Variants in TMEM132C observed in about 807,000 individuals in gnomAD.
The protein encoded by TMEM132C is transmembrane protein 132C, also known as protein phosphatase 1, regulatory subunit 152.
Under a neutral mutation model 61.4 loss-of-function variants are expected in TMEM132C, and 29 were observed. The ratio of observed to expected loss-of-function variants is 0.47; its 90% CI spans 0.35 to 0.64. The LOEUF (loss-of-function observed/expected upper bound fraction) is 0.64. Ranked by LOEUF, TMEM132C falls within the 30% of genes least tolerant of loss-of-function variation. The pLI, the probability that TMEM132C is intolerant of heterozygous loss-of-function variation, is 0.00. For missense variants in TMEM132C, 1,408 were observed against 1,476.9 expected (o/e 0.95, Z 0.76); for synonymous variants, 656 against 633.1 (o/e 1.04, Z -0.54).
At chr12:128,591,418 G>A (rs1012616163) in intron 3 of TMEM132C, among the ~76,000 whole-genome samples, 1 of 152,074 alleles carries the variant, frequency 6.6e-6, no homozygotes, top group African/African-American at 2.4e-5. Context: ...CTGAGGGGTC[G>A]TCCATGCCTC....
chr12:128,546,937 T>C (rs114363181), intron 3 of TMEM132C, among the ~76,000 whole-genome samples: 1,630 of 152,334 alleles, frequency 0.011, 33 homozygotes, highest in African/African-American at 0.037. Context: ...CTCTGTCATG[T>C]CCATTCAGTC....
chr12:128,358,236 A>G (rs1346037825), intron 1 of TMEM132C, among the ~76,000 whole-genome samples: 1 of 152,166 alleles, frequency 6.6e-6, no homozygotes, highest in Non-Finnish European at 1.5e-5. Context: ...GTAGGTTTAC[A>G]AAGTCTCCTT....
chr12:128,631,526 A>G (rs541183877), intron 4 of TMEM132C, among the ~76,000 whole-genome samples: 6 of 152,328 alleles, frequency 3.9e-5, no homozygotes, highest in South Asian at 2.1e-4. Flanking sequence ...GAAATCTGGT[A>G]TGTTAAACTC....
At chr12:128,639,543 C>T (rs1954140152) in intron 4 of TMEM132C, among the ~76,000 whole-genome samples, 1 of 152,146 alleles carries the variant, frequency 6.6e-6, no homozygotes. Flanking sequence ...AAGAGAATGG[C>T]ATTTTTGACC....
At chr12:128,512,855 C>T (rs1872608917) in intron 2 of TMEM132C, among the ~76,000 whole-genome samples, 1 of 152,168 alleles carries the variant, frequency 6.6e-6, no homozygotes, top group Non-Finnish European at 1.5e-5. Context: ...AACTTGAAGC[C>T]ACACACACAA....
chr12:128,535,696 G>A (rs964704168), intron 2 of TMEM132C, among the ~76,000 whole-genome samples: 4 of 152,178 alleles, frequency 2.6e-5, no homozygotes, highest in Non-Finnish European at 4.4e-5. Context: ...GTGAAACCCC[G>A]TCTCTACTAA....
chr12:128,484,069 G>C (rs535846272), intron 2 of TMEM132C, among the ~76,000 whole-genome samples: 1 of 152,250 alleles, frequency 6.6e-6, no homozygotes, highest in Admixed American at 6.5e-5. Context: ...AAGAGCATTT[G>C]CACCATGGAA....
At chr12:128,287,112 C>T (rs1001539009) in intron 1 of TMEM132C, among the ~76,000 whole-genome samples, 1 of 152,074 alleles carries the variant, frequency 6.6e-6, no homozygotes, top group Admixed American at 6.5e-5. Flanking sequence ...ACATGTTGGG[C>T]AAGATTATTG....
At chr12:128,666,025 G>A (rs796604122) in intron 4 of TMEM132C, among the ~76,000 whole-genome samples, 71 of 87,498 alleles carry the variant, frequency 8.1e-4, no homozygotes, top group African/African-American at 2.4e-3. Flanking sequence ...ATTCACAGGC[G>A]CACATTCACA....
intron 1 of TMEM132C, 76 bp downstream of exon 1, chr12:128,267,563 G>A: frequency 8.8e-7 from 1 of 1,137,848 alleles, no homozygotes; most frequent in Non-Finnish European, 1.1e-6. Context: ...GGTGAGGGCA[G>A]CCGAAGCGAG....
chr12:128,364,685 C>G (rs1873809079), intron 1 of TMEM132C, among the ~76,000 whole-genome samples: 1 of 152,192 alleles, frequency 6.6e-6, no homozygotes, highest in Admixed American at 6.5e-5. Context: ...CACCTTCTGC[C>G]TGCACCGAGG....
chr12:128,524,061 A>C (rs4882773), intron 2 of TMEM132C, among the ~76,000 whole-genome samples: 142,491 of 150,598 alleles, frequency 0.95, 67,876 homozygotes, highest in East Asian at 1. Context: ...TGCATTTCTG[A>C]ACCAATTTCC....
At chr12:128,393,919 C>T (rs1451929501) in intron 1 of TMEM132C, among the ~76,000 whole-genome samples, 3 of 152,218 alleles carry the variant, frequency 2.0e-5, no homozygotes, top group Admixed American at 6.5e-5. Context: ...TGGATATTGG[C>T]ACACAGCCAT....
At chr12:128,410,637 C>T (rs919169918) in intron 1 of TMEM132C, among the ~76,000 whole-genome samples, 2 of 152,122 alleles carry the variant, frequency 1.3e-5, no homozygotes, top group Non-Finnish European at 2.9e-5. Context: ...ATCTCTTGAC[C>T]TCGTGATCCA....
In TMEM132C at chr12:128,399,675, T is replaced by C. The variant is rs541743173; in HGVS notation, c.86-15057T>C. Among the ~76,000 whole-genome samples the C allele has an allele frequency of 3.9e-5, 6 of 152,284 alleles. No individual in the cohort carries two copies. In the South Asian group the frequency reaches 1.2e-3, roughly 32 times the overall value. Reference sequence around the variant, plus strand: ...AGAAAGTTCTCCTATGCATGAAACATGACTCGGAAAGACTTCCTCTCTATC... The same window carrying C: ...AGAAAGTTCTCCTATGCATGAAACACGACTCGGAAAGACTTCCTCTCTATC... On this transcript the variant is annotated intron_variant, in intron 1 of 8. Transcript: ENST00000435159.
At chr12:128,512,729 G>T (rs377008379) in intron 2 of TMEM132C, among the ~76,000 whole-genome samples, 1 of 152,148 alleles carries the variant, frequency 6.6e-6, no homozygotes, top group Non-Finnish European at 1.5e-5. Flanking sequence ...TGAATTTGCC[G>T]CTGTGAAGTG....
intron 2 of TMEM132C, among the ~76,000 whole-genome samples, chr12:128,474,726 T>C (rs1435708624): frequency 6.6e-6 from 1 of 152,178 alleles, no homozygotes; most frequent in Non-Finnish European, 1.5e-5. Context: ...CAGTCCCTTA[T>C]TTTTGTTATG....
chr12:128,427,386 G>GT (rs1174147614), intron 2 of TMEM132C, among the ~76,000 whole-genome samples: 105 of 116,928 alleles, frequency 9.0e-4, no homozygotes, highest in African/African-American at 3.1e-3. Context: ...ACTTCCAAAG[G>GT]GGTGTGTGTG....
chr12:128,495,738 G>A (rs1156387368), intron 2 of TMEM132C, among the ~76,000 whole-genome samples: 1 of 152,056 alleles, frequency 6.6e-6, no homozygotes, highest in African/African-American at 2.4e-5. Flanking sequence ...CTGCACGTGA[G>A]ATGGGTTTCC....
Sources: gnomAD v4.1 joint callset for allele counts (sites outside exome capture counted in the v4.1 genomes callset) on GRCh38, gnomAD v4.1.1 for gene constraint, MANE v1.5 for transcripts, NCBI Gene and HGNC (gene_info 2026-07-23, HGNC 2026-07-21) for gene names.